The following ABCA12 variants were observed in gnomAD, a reference collection of about 807,000 sequenced individuals.
The protein encoded by ABCA12 is ATP binding cassette subfamily A member 12.
ABCA12 carries 156 observed loss-of-function variants against 293.5 expected under a neutral mutation model. That is an observed-to-expected ratio of 0.53 (90% confidence interval 0.47 to 0.61). The LOEUF (loss-of-function observed/expected upper bound fraction) is 0.61. ABCA12 is among the 20% of genes least tolerant of loss of function. ABCA12 has a pLI of 0.00. For synonymous variants in ABCA12, 1,063 were observed against 1,108.0 expected, an observed-to-expected ratio of 0.96 and a Z score of 0.81; for missense variants, 2,797 against 3,090.2, an observed-to-expected ratio of 0.91 and a Z score of 2.25.
chr2:214,942,141 G>A (rs1057041314), intron 50 of ABCA12, among the ~76,000 whole-genome samples: 1 of 152,032 alleles, frequency 6.6e-6, no homozygotes, highest in Admixed American at 6.6e-5. Flanking sequence ...TGGAGATTTG[G>A]TGTCATCAAT....
chr2:215,039,513 T>C (rs1484531328), intron 7 of ABCA12, among the ~76,000 whole-genome samples: 1 of 152,194 alleles, frequency 6.6e-6, no homozygotes, highest in East Asian at 1.9e-4. Context: ...CCCAGCACTT[T>C]GGGAGGCCAA....
At chr2:215,060,170 T>G (rs1426675281) in intron 3 of ABCA12, among the ~76,000 whole-genome samples, 1 of 152,038 alleles carries the variant, frequency 6.6e-6, no homozygotes, top group African/African-American at 2.4e-5. Flanking sequence ...AAACAGACAT[T>G]CATTACATTT....
chr2:215,130,431 T>C (rs1703028480), intron 1 of ABCA12, among the ~76,000 whole-genome samples: 1 of 152,156 alleles, frequency 6.6e-6, no homozygotes, highest in African/African-American at 2.4e-5. Flanking sequence ...TAGTTCTCCT[T>C]GTAGAGATCT....
Position 214,955,193 on chromosome 2 carries a change from G to T in ABCA12, c.6393+9C>A, listed in dbSNP as rs759367298. 6.2e-7 allele frequency: 1 copy of T among 1,613,644 alleles called. No individual in the cohort carries two copies. Among genetic ancestry groups the T allele is most frequent in the Admixed American group, 1.7e-5 (1 of 59,994 alleles). On this transcript the variant is annotated intron_variant, in intron 43 of 52. Coordinates refer to ENST00000272895, the MANE Select transcript of ABCA12 (RefSeq NM_173076.3). ...CTTTTGATAAATTCACTGAAATAAG[G>T]GACCTTACCGGATCATTAGGCTTTT...
intron 39 of ABCA12, among the ~76,000 whole-genome samples, chr2:214,963,923 C>CAAAAAA (rs71041974): frequency 1.8e-4 from 11 of 59,866 alleles, no homozygotes; most frequent in African/African-American, 2.8e-4. Flanking sequence ...GACTCTGCCT[C>CAAAAAA]AAAAAAAAAA....
intron 2 of ABCA12, among the ~76,000 whole-genome samples, chr2:215,079,619 T>C (rs1701897890): frequency 6.6e-6 from 1 of 152,226 alleles, no homozygotes; most frequent in Non-Finnish European, 1.5e-5. Context: ...CCCTTTCTAT[T>C]GCCCCTCTTG....
chr2:215,075,366 C>G, intron 2 of ABCA12: 1 of 512,092 alleles, frequency 2.0e-6, no homozygotes, highest in Non-Finnish European at 3.4e-6. Context: ...AATCTTTGCC[C>G]TTCTAGTAAC....
chr2:214,939,735 G>T (rs1698335488), intron 50 of ABCA12, among the ~76,000 whole-genome samples: 1 of 152,154 alleles, frequency 6.6e-6, no homozygotes. Context: ...AATTGTGAAT[G>T]GGAGTTTACT....
intron 2 of ABCA12, among the ~76,000 whole-genome samples, chr2:215,106,624 G>A (rs1331857041): frequency 1.3e-5 from 2 of 151,996 alleles, no homozygotes; most frequent in African/African-American, 2.4e-5. Flanking sequence ...GAAATGATGT[G>A]AGTATTAACT....
intron 39 of ABCA12, chr2:214,960,464 G>A (rs953155607): frequency 6.6e-6 from 1 of 152,028 alleles, no homozygotes; most frequent in Non-Finnish European, 1.5e-5. Context: ...AAAATCCTGT[G>A]GAACCAGTTT....
intron 10 of ABCA12, 89 bp from the exon 11 acceptor site, chr2:215,025,868 A>T: frequency 1.1e-6 from 1 of 881,940 alleles, no homozygotes; most frequent in Non-Finnish European, 1.8e-6. Flanking sequence ...CTGACTTATT[A>T]CTAAATTTTT....
chr2:215,106,017 A>G (rs973895538), intron 2 of ABCA12, among the ~76,000 whole-genome samples: 2 of 152,178 alleles, frequency 1.3e-5, no homozygotes, highest in Non-Finnish European at 2.9e-5. Flanking sequence ...TCATTAGATC[A>G]TGGGTGTGCT....
At chr2:215,002,586 C>T (rs541350504) in intron 20 of ABCA12, among the ~76,000 whole-genome samples, 56 of 152,282 alleles carry the variant, frequency 3.7e-4, no homozygotes, top group Admixed American at 3.7e-3. Context: ...CAAAATAGGA[C>T]TAAATTTCTC....
At chr2:214,976,342 A>G (rs529507395) in intron 33 of ABCA12, among the ~76,000 whole-genome samples, 1 of 152,342 alleles carries the variant, frequency 6.6e-6, no homozygotes, top group African/African-American at 2.4e-5. Flanking sequence ...TTAGATACCT[A>G]GAATTTCATA....
intron 26 of ABCA12, among the ~76,000 whole-genome samples, chr2:214,988,509 C>A (rs952849279): frequency 6.6e-6 from 1 of 152,130 alleles, no homozygotes; most frequent in East Asian, 1.9e-4. Flanking sequence ...AAATCATATT[C>A]TTTTATTCAT....
At chr2:215,013,636 A>C (rs1574983203) in intron 15 of ABCA12, 1 of 154,512 alleles carries the variant, frequency 6.5e-6, no homozygotes, top group East Asian at 1.9e-4. Flanking sequence ...CTCAACAGCA[A>C]ATATTTAGTT....
At chr2:214,943,350 G>T (rs1255161659) in intron 49 of ABCA12, among the ~76,000 whole-genome samples, 1 of 151,662 alleles carries the variant, frequency 6.6e-6, no homozygotes. Context: ...TTGCCATGTT[G>T]CCCAGACCGT....
At chr2:215,081,859 G>A (rs186082853) in intron 2 of ABCA12, among the ~76,000 whole-genome samples, 184 of 152,150 alleles carry the variant, frequency 1.2e-3, no homozygotes, top group African/African-American at 4.1e-3. Context: ...CAATTAAGAG[G>A]ATCTTGAATT....
intron 1 of ABCA12, among the ~76,000 whole-genome samples, chr2:215,131,932 T>A (rs1703068465): frequency 6.6e-6 from 1 of 152,018 alleles, no homozygotes; most frequent in African/African-American, 2.4e-5. Context: ...TTTGGTATGC[T>A]GTGTCTTTAT....
Sources: gnomAD v4.1 joint callset for allele counts (sites outside exome capture counted in the v4.1 genomes callset) on GRCh38, gnomAD v4.1.1 for gene constraint, MANE v1.5 for transcripts, NCBI Gene and HGNC (gene_info 2026-07-23, HGNC 2026-07-21) for gene names.